The following ANO4 variants were observed in gnomAD, a reference collection of about 807,000 sequenced individuals.
The protein encoded by ANO4 is anoctamin-4.
A neutral mutation model predicts 141.9 loss-of-function variants in ANO4; 69 were observed. That is an observed-to-expected ratio of 0.49 (90% CI 0.40 to 0.59). The LOEUF (loss-of-function observed/expected upper bound fraction) is 0.59, where lower values mean the gene tolerates loss of function less well. Ranked by LOEUF, ANO4 falls within the 20% of genes least tolerant of loss-of-function variation. The probability of loss-of-function intolerance (pLI) is 0.00; values close to 1 mark genes in which losing one functional copy is unlikely to be tolerated. For synonymous variants in ANO4, 350 were observed against 394.3 expected, an observed-to-expected ratio of 0.89 and a Z score of 1.33; for missense variants, 894 against 1,162.2, an observed-to-expected ratio of 0.77 and a Z score of 3.36.
At chr12:101,044,839 G>C (rs969426438) in intron 13 of ANO4, among the ~76,000 whole-genome samples, 3 of 152,150 alleles carry the variant, frequency 2.0e-5, no homozygotes, top group Admixed American at 6.5e-5. Flanking sequence ...GACCTGAGTG[G>C]ATAAGGATAA....
At chr12:100,916,563 G>T (rs1003113782) in intron 2 of ANO4, among the ~76,000 whole-genome samples, 12 of 152,242 alleles carry the variant, frequency 7.9e-5, no homozygotes, top group African/African-American at 2.6e-4. Context: ...CTCTCAATGA[G>T]GAAGAAATCT....
At chr12:100,957,078 G>T (rs2043200136) in intron 5 of ANO4, among the ~76,000 whole-genome samples, 1 of 152,124 alleles carries the variant, frequency 6.6e-6, no homozygotes, top group South Asian at 2.1e-4. Context: ...ATTTTGTGTT[G>T]CCACAACAGA....
intron 5 of ANO4, among the ~76,000 whole-genome samples, chr12:100,947,011 G>A (rs2136192276): frequency 6.6e-6 from 1 of 152,334 alleles, no homozygotes; most frequent in South Asian, 2.1e-4. Flanking sequence ...AGAAGTTTCA[G>A]TGGAGAAGTC....
intron 1 of ANO4, among the ~76,000 whole-genome samples, chr12:100,847,475 A>ATTTTTTTT (rs59985012): frequency 4.4e-5 from 6 of 136,892 alleles, no homozygotes; most frequent in South Asian, 2.3e-4. Flanking sequence ...GGCCAAGATA[A>ATTTTTTTT]TTTTTTTTTT....
intron 7 of ANO4, 47 bp from the exon 8 acceptor site, chr12:100,987,492 A>G: frequency 6.9e-6 from 11 of 1,597,778 alleles, no homozygotes; most frequent in Non-Finnish European, 9.4e-6. Flanking sequence ...GTTTCAGGGC[A>G]TTGCTGACAT....
chr12:100,721,289 C>T (rs2030854921), intron 1 of ANO4, among the ~76,000 whole-genome samples: 1 of 152,180 alleles, frequency 6.6e-6, no homozygotes, highest in Non-Finnish European at 1.5e-5. Flanking sequence ...CGAATAAGAT[C>T]TCCCGCTGTT....
chr12:100,956,278 AT>A (rs1161649203), intron 5 of ANO4, among the ~76,000 whole-genome samples: 1 of 152,232 alleles, frequency 6.6e-6, no homozygotes, highest in African/African-American at 2.4e-5. Context: ...CAAGATCATG[AT>A]GGTCTTCGAA....
chr12:100,872,842 A>T (rs965544927), intron 1 of ANO4, among the ~76,000 whole-genome samples: 1 of 152,100 alleles, frequency 6.6e-6, no homozygotes, highest in Non-Finnish European at 1.5e-5. Context: ...TGTGGTTTGG[A>T]TGTATGTCCC....
chr12:100,986,475 C>A (rs545927716), intron 7 of ANO4, among the ~76,000 whole-genome samples: 1 of 152,262 alleles, frequency 6.6e-6, no homozygotes, highest in African/African-American at 2.4e-5. Context: ...AAACACTGAT[C>A]TCTTCAGGAA....
intron 3 of ANO4, among the ~76,000 whole-genome samples, chr12:100,764,597 G>T (rs1256584139): frequency 6.6e-6 from 1 of 152,196 alleles, no homozygotes; most frequent in Non-Finnish European, 1.5e-5. Context: ...AATGGTTGCT[G>T]AAGTTACCTC....
In ANO4 at chr12:100,735,009, G is replaced by T. The variant is rs1243438110; in HGVS notation, c.106+1152G>T. On this transcript the variant is annotated intron_variant, in intron 2 of 29. Coordinates refer to the ANO4 transcript ENST00000644049. ...CTTGTAATGCAATGGGGTACTGGCT[G>T]CAGTGATGTTGGTTCTTTGAGTGCA... Among the ~76,000 whole-genome samples, 4 of 152,210 alleles carry T rather than the reference G, an allele frequency of 2.6e-5. No individual in the cohort carries two copies. In the East Asian group the frequency reaches 7.7e-4, roughly 29 times the overall value.
At chr12:100,919,776 C>CTA (rs1314831870) in intron 2 of ANO4, among the ~76,000 whole-genome samples, 1 of 149,558 alleles carries the variant, frequency 6.7e-6, no homozygotes, top group Non-Finnish European at 1.5e-5. Context: ...ATCTATCTAT[C>CTA]TATCTAATCT....
Position 101,011,079 on chromosome 12 carries a change from A to T in ANO4, c.735-8955A>T, listed in dbSNP as rs550118988. ...CTGCATTTCTGTCTCCACATGGCTC[A>T]TCTTCAAAGAGGCTCGTTTGGGCTT... On this transcript the variant is annotated intron_variant, in intron 8 of 27. Coordinates refer to ENST00000392977, the MANE Select transcript of ANO4 (RefSeq NM_001286615.2). Among the ~76,000 whole-genome samples, 38 of 152,272 alleles carry T rather than the reference A, an allele frequency of 2.5e-4. No homozygotes were observed. The South Asian group carries it at 5.0e-3, about 20-fold the overall frequency.
At chr12:101,055,073 G>A (rs893629448) in intron 14 of ANO4, among the ~76,000 whole-genome samples, 1 of 152,152 alleles carries the variant, frequency 6.6e-6, no homozygotes, top group African/African-American at 2.4e-5. Context: ...ACCAGTTAAT[G>A]AATATTTGGG....
intron 1 of ANO4, among the ~76,000 whole-genome samples, chr12:100,856,243 G>A (rs577486244): frequency 2.0e-5 from 3 of 152,126 alleles, no homozygotes; most frequent in Non-Finnish European, 4.4e-5. Flanking sequence ...TGCAAATGCT[G>A]GTTTGAGAAA....
At chr12:101,088,451 T>C (rs2049598191) in intron 17 of ANO4, among the ~76,000 whole-genome samples, 1 of 152,130 alleles carries the variant, frequency 6.6e-6, no homozygotes, top group African/African-American at 2.4e-5. Context: ...TTTTACTTAT[T>C]TATTTTGTTT....
chr12:100,971,206 A>G (rs1302718444), intron 5 of ANO4, 100 bp from the exon 6 acceptor site: 3 of 740,666 alleles, frequency 4.1e-6, no homozygotes, highest in African/African-American at 3.5e-5. Flanking sequence ...GCCCCAAATC[A>G]TAAACTCTGT....
In ANO4 at chr12:100,939,338, T is replaced by C; in HGVS notation, c.184T>C (p.Phe62Leu). 1 of 1,613,476 alleles carries C rather than the reference T, an allele frequency of 6.2e-7. No individual in the cohort carries two copies. Among genetic ancestry groups the C allele is most frequent in the Non-Finnish European group, 8.5e-7 (1 of 1,179,490 alleles). The stretch of plus-strand genomic sequence containing the variant: ...AGTGGCCAAGGATGTCAATATTCTT[T>C]TTGATGAATTAGAAGCTGTCAGCAG... ...QEMAKDVNIL[F>L]DELEAVSSPC... The change falls in exon 4 of 28, where the codon TTT becomes CTT. Residue 62 changes from phenylalanine to leucine, a missense_variant. Phe to Leu is a conservative substitution (Grantham distance 22, BLOSUM62 0). Coordinates refer to ENST00000392977, the MANE Select transcript of ANO4 (RefSeq NM_001286615.2).
chr12:101,104,641 A>G (rs1379890849), intron 22 of ANO4, among the ~76,000 whole-genome samples: 41 of 61,472 alleles, frequency 6.7e-4, no homozygotes, highest in Admixed American at 2.0e-3. Context: ...ATATATATAT[A>G]TATATATATA....
Sources: allele counts gnomAD v4.1 joint callset (sites outside exome capture counted in the v4.1 genomes callset), GRCh38; gene constraint gnomAD v4.1.1; transcripts MANE v1.5; gene names NCBI Gene and HGNC (gene_info 2026-07-23, HGNC 2026-07-21).